Variants in RMC1 observed in about 807,000 individuals in gnomAD.
The protein encoded by RMC1 is regulator of MON1-CCZ1 complex.
Under a neutral mutation model 95.5 loss-of-function variants are expected in RMC1, and 44 were observed. The ratio of observed to expected loss-of-function variants is 0.46; its 90% CI spans 0.36 to 0.59. The LOEUF is 0.59. Ranked by LOEUF, RMC1 falls within the 20% of genes least tolerant of loss-of-function variation. The probability of loss-of-function intolerance (pLI) is 0.00; values close to 1 mark genes in which losing one functional copy is unlikely to be tolerated. For missense variants in RMC1, 705 were observed against 819.6 expected (o/e 0.86, Z 1.71); for synonymous variants, 320 against 303.6 (o/e 1.05, Z -0.56).
At chr18:23,531,585 A>T in intron 19 of RMC1, 40 bp from the exon 20 acceptor site, 1 of 1,600,070 alleles carries the variant, frequency 6.2e-7, no homozygotes, top group Non-Finnish European at 8.5e-7. Context: ...CCCTCATTTC[A>T]TGCCACATCT....
chr18:23,508,251 G>A (rs1223764234), intron 4 of RMC1, among the ~76,000 whole-genome samples: 1 of 152,172 alleles, frequency 6.6e-6, no homozygotes, highest in South Asian at 2.1e-4. Context: ...TGGAGGGGGA[G>A]GGTTCAATGG....
At chr18:23,516,202 A>T (rs2058000649) in intron 6 of RMC1, 118 bp from the exon 7 acceptor site, 2 of 1,359,676 alleles carry the variant, frequency 1.5e-6, no homozygotes, top group Admixed American at 3.5e-5. Flanking sequence ...GACATGGGGG[A>T]CGGTGGAAAG....
At chr18:23,529,431 C>G (rs2058416710) in intron 15 of RMC1, 133 bp downstream of exon 15, 1 of 1,412,054 alleles carries the variant, frequency 7.1e-7, no homozygotes, top group Non-Finnish European at 9.4e-7. Context: ...GGGTGAGGCC[C>G]TAGAGCTGGT....
chr18:23,508,136 G>C (rs1233100949), intron 4 of RMC1, 95 bp downstream of exon 4: 2 of 1,154,638 alleles, frequency 1.7e-6, no homozygotes, highest in Non-Finnish European at 2.4e-6. Flanking sequence ...AGGGAGCACA[G>C]ACTTGAAGTC....
chr18:23,515,342 G>A (rs1251422686), intron 5 of RMC1, among the ~76,000 whole-genome samples: 1 of 152,206 alleles, frequency 6.6e-6, no homozygotes, highest in Non-Finnish European at 1.5e-5. Context: ...AATAGGGCCA[G>A]TGATGCCTGC....
intron 9 of RMC1, among the ~76,000 whole-genome samples, chr18:23,519,693 A>G (rs1245605070): frequency 6.6e-6 from 1 of 152,186 alleles, no homozygotes; most frequent in African/African-American, 2.4e-5. Context: ...CTAACGCTTG[A>G]GATTTGACCT....
At chr18:23,527,993 T>C in intron 14 of RMC1, 92 bp downstream of exon 14, 1 of 1,085,078 alleles carries the variant, frequency 9.2e-7, no homozygotes, top group Non-Finnish European at 1.3e-6. Flanking sequence ...GTTTCCTATA[T>C]ATTAGAATAA....
In RMC1 at chr18:23,519,128, T is replaced by A; in HGVS notation, c.803T>A (p.Leu268Gln). Residue 268 changes from leucine (L) to glutamine (Q), a missense_variant, in exon 9 of 20, where the codon CTG becomes CAG. Physicochemically the swap from Leu to Gln is moderately radical, Grantham distance 113. Transcript: ENST00000269221. ...TTAAATAGGACGGGAAAGTTTGCCC[T>A]GAACGTGGTGGACAACCTGGTAGTC... ...LKLNRTGKFA[L>Q]NVVDNLVVVH... The A allele has an allele frequency of 6.2e-7, 1 of 1,614,226 alleles. No individual in the cohort carries two copies. The highest frequency in any genetic ancestry group is 1.7e-4 in the Middle Eastern group (1 of 6,060).
Position 23,503,526 on chromosome 18 carries a change from G to C in RMC1, c.-93G>C, listed in dbSNP as rs944414108. On this transcript the variant is annotated 5_prime_UTR_variant, in exon 1 of 20. Coordinates refer to ENST00000269221, the MANE Select transcript of RMC1 (RefSeq NM_013326.5). ...CGCCGGGCCCAGAGCCGCAGCCGCA[G>C]CCGCCGCTACAGTCCGGGCCGGGCT... The C allele has an allele frequency of 1.2e-6, 1 of 834,636 alleles. No homozygotes were observed. The highest frequency in any genetic ancestry group is 1.6e-6 in the Non-Finnish European group (1 of 613,258). 51.7% of individuals were successfully genotyped at this position (834,636 alleles called of 1,614,324 possible).
At chr18:23,521,504 C>CG (rs576493152) in intron 10 of RMC1, among the ~76,000 whole-genome samples, 175 of 152,230 alleles carry the variant, frequency 1.1e-3, no homozygotes, top group Admixed American at 4.2e-3. Context: ...GTAAGTGCTT[C>CG]GGCTGTGGCT....
chr18:23,511,410 C>T (rs1276971544), intron 5 of RMC1, among the ~76,000 whole-genome samples: 4 of 152,284 alleles, frequency 2.6e-5, no homozygotes, highest in South Asian at 2.1e-4. Flanking sequence ...ATAATCTGTA[C>T]CACAAACCCC....
At chr18:23,525,747 G>A (rs2058280641) in intron 12 of RMC1, among the ~76,000 whole-genome samples, 1 of 152,068 alleles carries the variant, frequency 6.6e-6, no homozygotes, top group Non-Finnish European at 1.5e-5. Context: ...TGTAGAGACA[G>A]GGTCTTGCCA....
At chr18:23,514,629 G>A (rs184912672) in intron 5 of RMC1, among the ~76,000 whole-genome samples, 3 of 152,228 alleles carry the variant, frequency 2.0e-5, no homozygotes, top group Non-Finnish European at 4.4e-5. Flanking sequence ...CATACACACA[G>A]AAATAGAATT....
chr18:23,516,206 T>C (rs549562190), intron 6 of RMC1, 114 bp from the exon 7 acceptor site: 140 of 1,384,870 alleles, frequency 1.0e-4, no homozygotes, highest in Non-Finnish European at 1.4e-4. Context: ...TGGGGGACGG[T>C]GGAAAGGATC....
chr18:23,517,573 T>G (rs2058042253), intron 7 of RMC1, among the ~76,000 whole-genome samples: 1 of 152,210 alleles, frequency 6.6e-6, no homozygotes, highest in South Asian at 2.1e-4. Flanking sequence ...GATTCGACAA[T>G]AGTCAAAATT....
Position 23,503,599 on chromosome 18 carries a change from C to A in RMC1, c.-20C>A. On this transcript the variant is annotated 5_prime_UTR_variant, in exon 1 of 20. Coordinates refer to ENST00000269221, the MANE Select transcript of RMC1 (RefSeq NM_013326.5). ...CTGGCGACCGCCCCCGGGGCCCCCG[C>A]CGCGGGCGCGGCGCCCGCCATGGGC... 6.5e-7 allele frequency: 1 copy of A among 1,538,774 alleles called. No individual in the cohort carries two copies.
At chr18:23,519,316 G>A (rs1183011269) in intron 9 of RMC1, 142 bp downstream of exon 9, 2 of 689,310 alleles carry the variant, frequency 2.9e-6, no homozygotes, top group Non-Finnish European at 4.9e-6. Flanking sequence ...CCAGGAGTTC[G>A]AGACCAGCCT....
chr18:23,519,302 G>A, intron 9 of RMC1, 128 bp downstream of exon 9: 1 of 756,922 alleles, frequency 1.3e-6, no homozygotes, highest in East Asian at 2.7e-5. Context: ...CAGATTGCTT[G>A]AGCCCAGGAG....
In RMC1 at chr18:23,503,535, A is replaced by T; in HGVS notation, c.-84A>T. On this transcript the variant is annotated 5_prime_UTR_variant, in exon 1 of 20. Coordinates refer to ENST00000269221, the MANE Select transcript of RMC1 (RefSeq NM_013326.5). The stretch of plus-strand genomic sequence containing the variant: ...CAGAGCCGCAGCCGCAGCCGCCGCT[A>T]CAGTCCGGGCCGGGCTCCACCGCGC... 1.1e-6 allele frequency: 1 copy of T among 931,518 alleles called. No individual in the cohort carries two copies. The highest frequency in any genetic ancestry group is 1.5e-6 in the Non-Finnish European group (1 of 687,726). 57.7% of individuals were successfully genotyped at this position (931,518 alleles called of 1,614,324 possible).
Sources: allele counts gnomAD v4.1 joint callset (sites outside exome capture counted in the v4.1 genomes callset), GRCh38; gene constraint gnomAD v4.1.1; transcripts MANE v1.5; gene names NCBI Gene and HGNC (gene_info 2026-07-23, HGNC 2026-07-21).